The following DIAPH3 variants were observed in gnomAD, a reference collection of about 807,000 sequenced individuals.
DIAPH3 encodes the protein diaphanous related formin 3, also known as protein diaphanous homolog 3.
In DIAPH3, 117 loss-of-function variants were observed where a neutral mutation model predicts 144.3. That is an observed-to-expected ratio of 0.81 (90% confidence interval 0.70 to 0.95). The LOEUF (loss-of-function observed/expected upper bound fraction) is 0.95, where lower values mean the gene tolerates loss of function less well. DIAPH3 is among the 40% of genes least tolerant of loss of function. DIAPH3 has a pLI of 0.00. For synonymous variants in DIAPH3, 519 were observed against 488.9 expected (o/e 1.06, Z -0.81); for missense variants, 1,421 against 1,412.7 (o/e 1.01, Z -0.09).
At chr13:60,107,339 A>G (rs953072189) in intron 3 of DIAPH3, among the ~76,000 whole-genome samples, 1 of 152,150 alleles carries the variant, frequency 6.6e-6, no homozygotes, top group African/African-American at 2.4e-5. Flanking sequence ...CCTCAGGGAA[A>G]AAAAGAAGAT....
chr13:59,723,959 T>TAAA (rs144643410), intron 27 of DIAPH3, among the ~76,000 whole-genome samples: 1 of 133,790 alleles, frequency 7.5e-6, no homozygotes, highest in Non-Finnish European at 1.6e-5. Context: ...TGTTAAAAGT[T>TAAA]AAAAAAAAAA....
At chr13:59,989,495 A>G (rs2051670070) in intron 12 of DIAPH3, among the ~76,000 whole-genome samples, 2 of 151,968 alleles carry the variant, frequency 1.3e-5, no homozygotes, top group South Asian at 4.1e-4. Flanking sequence ...CAGTCACAGG[A>G]AGAACACTGC....
At chr13:59,805,046 T>A (rs1437300978) in intron 25 of DIAPH3, among the ~76,000 whole-genome samples, 1 of 152,134 alleles carries the variant, frequency 6.6e-6, no homozygotes, top group Non-Finnish European at 1.5e-5. Context: ...AAGCTAATTA[T>A]CTCTTTATTT....
At chr13:60,014,582 T>C (rs1419941515) in intron 7 of DIAPH3, among the ~76,000 whole-genome samples, 1 of 152,116 alleles carries the variant, frequency 6.6e-6, no homozygotes, top group African/African-American at 2.4e-5. Context: ...CTAATACATG[T>C]AGTAAAATAA....
intron 5 of DIAPH3, 100 bp downstream of exon 5, chr13:60,042,588 TGA>T: frequency 2.1e-6 from 3 of 1,403,926 alleles, no homozygotes; most frequent in Non-Finnish European, 2.0e-6. Context: ...GTTTGTACTT[TGA>T]GAAACTGTTG....
At chr13:60,082,021 C>T (rs1335424841) in intron 4 of DIAPH3, among the ~76,000 whole-genome samples, 1 of 151,570 alleles carries the variant, frequency 6.6e-6, no homozygotes, top group East Asian at 1.9e-4. Context: ...AAAGACAAAC[C>T]TATAAATCAA....
At chr13:60,127,230 C>A (rs1594737534) in intron 2 of DIAPH3, among the ~76,000 whole-genome samples, 1 of 151,880 alleles carries the variant, frequency 6.6e-6, no homozygotes, top group African/African-American at 2.4e-5. Flanking sequence ...ATAAATTCAA[C>A]AACATAGATA....
chr13:59,734,000 T>C (rs1846944955), intron 27 of DIAPH3, among the ~76,000 whole-genome samples: 1 of 152,240 alleles, frequency 6.6e-6, no homozygotes, highest in Non-Finnish European at 1.5e-5. Context: ...AATTGGCTAA[T>C]ACATACATGC....
At chr13:60,030,948 G>A (rs910891664) in intron 5 of DIAPH3, among the ~76,000 whole-genome samples, 2 of 152,176 alleles carry the variant, frequency 1.3e-5, no homozygotes, top group Admixed American at 1.3e-4. Context: ...CCTGCAGAGG[G>A]ACTGCAGGTG....
At chr13:59,671,152 T>C (rs1263055015) in intron 27 of DIAPH3, among the ~76,000 whole-genome samples, 2 of 152,176 alleles carry the variant, frequency 1.3e-5, no homozygotes, top group Non-Finnish European at 2.9e-5. Context: ...TTCTAAATGG[T>C]TGACTTTCAA....
chr13:59,947,916 ATTC>A (rs769157787), intron 17 of DIAPH3, among the ~76,000 whole-genome samples: 17 of 152,280 alleles, frequency 1.1e-4, no homozygotes, highest in Middle Eastern at 3.4e-3. Context: ...CCAACATCCT[ATTC>A]ATAACAGCTT....
intron 1 of DIAPH3, among the ~76,000 whole-genome samples, chr13:60,145,120 C>A (rs1399956085): frequency 6.6e-6 from 1 of 152,132 alleles, no homozygotes; most frequent in Non-Finnish European, 1.5e-5. Context: ...GGAAATTGAA[C>A]AGCACAGAAG....
chr13:59,768,845 G>A (rs111404792), intron 27 of DIAPH3, among the ~76,000 whole-genome samples: 6 of 152,166 alleles, frequency 3.9e-5, no homozygotes, highest in Admixed American at 6.6e-5. Flanking sequence ...AATTGATTTA[G>A]TGTAAAGATA....
At chr13:60,105,465 C>G (rs2058391850) in intron 3 of DIAPH3, among the ~76,000 whole-genome samples, 1 of 152,172 alleles carries the variant, frequency 6.6e-6, no homozygotes, top group Non-Finnish European at 1.5e-5. Flanking sequence ...CATTTATTTT[C>G]TCATTTATCT....
intron 21 of DIAPH3, among the ~76,000 whole-genome samples, chr13:59,872,153 A>C (rs1254726357): frequency 6.6e-6 from 1 of 152,022 alleles, no homozygotes; most frequent in African/African-American, 2.4e-5. Context: ...CTTGTTTCCT[A>C]AGGTTAAAGA....
intron 17 of DIAPH3, among the ~76,000 whole-genome samples, chr13:59,957,191 T>C (rs1229265865): frequency 6.6e-6 from 1 of 152,130 alleles, no homozygotes; most frequent in Non-Finnish European, 1.5e-5. Context: ...GACGTGATAT[T>C]TGGGAGGGAC....
intron 25 of DIAPH3, among the ~76,000 whole-genome samples, chr13:59,795,737 A>G (rs75698308): frequency 0.076 from 11,584 of 152,096 alleles, 572 homozygotes; most frequent in South Asian, 0.19. Flanking sequence ...ACAGGCGTGA[A>G]ACACTGCGCC....
At chr13:60,076,333 C>T (rs17057589) in intron 4 of DIAPH3, among the ~76,000 whole-genome samples, 4 of 152,066 alleles carry the variant, frequency 2.6e-5, no homozygotes, top group Admixed American at 6.6e-5. Context: ...TCCGAAGAAA[C>T]CCCCTCTGTC....
At chr13:60,149,946 TG>T (rs1594785518) in intron 1 of DIAPH3, among the ~76,000 whole-genome samples, 2 of 152,184 alleles carry the variant, frequency 1.3e-5, no homozygotes, top group East Asian at 3.9e-4. Context: ...TGGTCTAGGA[TG>T]GAAGGGAGGC....
Sources: gnomAD v4.1 joint callset for allele counts (sites outside exome capture counted in the v4.1 genomes callset) on GRCh38, gnomAD v4.1.1 for gene constraint, MANE v1.5 for transcripts, NCBI Gene and HGNC (gene_info 2026-07-23, HGNC 2026-07-21) for gene names.